ZEB2: variants seen among roughly 807,000 people sequenced by gnomAD.
ZEB2 encodes the protein zinc finger E-box binding homeobox 2, also known as zinc finger E-box-binding homeobox 2.
In ZEB2, 6 loss-of-function variants were observed where a neutral mutation model predicts 99.9. The observed-to-expected ratio is 0.06, with a 90% CI of 0.03 to 0.12. The LOEUF (loss-of-function observed/expected upper bound fraction) is 0.12. Among genes scored for constraint, ZEB2 ranks in the 10% least tolerant of loss-of-function variants. The pLI is 1.00. For missense variants in ZEB2, 969 were observed against 1,502.8 expected (o/e 0.64, Z 5.87); for synonymous variants, 517 against 542.5 (o/e 0.95, Z 0.65).
chr2:144,396,725 C>A, intron 8 of ZEB2, 133 bp from the exon 9 acceptor site: 4 of 923,168 alleles, frequency 4.3e-6, no homozygotes, highest in Non-Finnish European at 6.7e-6. Flanking sequence ...TTTTTTTTTC[C>A]ATGAACAATA....
rs1157918568 is a variant in ZEB2, at chr2:144,398,876, G to A, written c.2311C>T (p.Pro771Ser). The A allele has an allele frequency of 1.2e-6, 2 of 1,614,156 alleles. No individual in the cohort carries two copies. Among genetic ancestry groups the A allele is most frequent in the South Asian group, 2.2e-5 (2 of 91,082 alleles). Reference sequence around the variant, plus strand: ...CTGGAGTGGTCCAATTTTTCAACTGGTTTAATATTGGTAAAATGGGAAGGT... The same window carrying A: ...CTGGAGTGGTCCAATTTTTCAACTGATTTAATATTGGTAAAATGGGAAGGT... ...TKPSHFTNIKPVEKLDHSRSN... is the reference protein window; with the variant it reads ...TKPSHFTNIKSVEKLDHSRSN... The change falls in exon 8 of 10, where the codon CCA becomes TCA. Residue 771 changes from proline (P) to serine (S), a missense_variant. Pro to Ser is a moderately conservative substitution (Grantham distance 74). This residue lies in a region of ZEB2 where 346 missense variants were observed against 460.0 expected (regional missense o/e 0.75). Transcript: ENST00000627532.
At chr2:144,495,487 A>C (rs985091801) in intron 2 of ZEB2, 1 of 152,250 alleles carries the variant, frequency 6.6e-6, no homozygotes, top group Non-Finnish European at 1.5e-5. Flanking sequence ...TTGTCTTCTC[A>C]TATAAGCATG....
intron 2 of ZEB2, among the ~76,000 whole-genome samples, chr2:144,483,228 T>C (rs1009398666): frequency 1.3e-5 from 2 of 151,696 alleles, no homozygotes; most frequent in Admixed American, 6.6e-5. Context: ...CCAAAAGCTG[T>C]AGATTTGAAT....
intron 4 of ZEB2, among the ~76,000 whole-genome samples, chr2:144,409,457 G>A (rs1478050154): frequency 6.6e-6 from 1 of 152,010 alleles, no homozygotes; most frequent in Non-Finnish European, 1.5e-5. Flanking sequence ...CCTTCTTTCT[G>A]TAATCCTCTT....
At chr2:144,421,473 T>C (rs887964066) in intron 4 of ZEB2, among the ~76,000 whole-genome samples, 16 of 152,198 alleles carry the variant, frequency 1.1e-4, no homozygotes, top group Admixed American at 2.0e-4. Flanking sequence ...TATGTACTTA[T>C]TCTCTCAAAG....
intron 4 of ZEB2, among the ~76,000 whole-genome samples, chr2:144,417,476 T>G (rs1280516894): frequency 1.3e-5 from 2 of 152,186 alleles, no homozygotes; most frequent in African/African-American, 4.8e-5. Context: ...CTTTTTAGAT[T>G]CCACATATGA....
At chr2:144,491,909 T>G (rs1704686510) in intron 2 of ZEB2, among the ~76,000 whole-genome samples, 1 of 152,242 alleles carries the variant, frequency 6.6e-6, no homozygotes, top group Non-Finnish European at 1.5e-5. Context: ...CTTCTTTACA[T>G]TTTGTAGCTG....
chr2:144,471,461 GAACA>G (rs1704354112), intron 2 of ZEB2, among the ~76,000 whole-genome samples: 1 of 150,930 alleles, frequency 6.6e-6, no homozygotes, highest in South Asian at 2.1e-4. Flanking sequence ...GACATGAAAA[GAACA>G]AAAACCTAAG....
intron 2 of ZEB2, chr2:144,512,065 C>A: frequency 7.8e-7 from 1 of 1,287,212 alleles, no homozygotes; most frequent in Non-Finnish European, 1.0e-6. Context: ...CAATTGCCCC[C>A]TTGTGGGAAT....
chr2:144,404,009 T>A lies in ZEB2; in HGVS notation c.714A>T (p.Glu238Asp). The stretch of plus-strand genomic sequence containing the variant: ...TACAGAGAGGGCAGGAAAAGTTCTC[T>A]TCATTCTTCTCGTGGCGGTACTTGA... ...EHIKYRHEKN[E>D]ENFSCPLCSY... The change falls in exon 6 of 10, where the codon GAA becomes GAT. Residue 238 changes from glutamate to aspartate, a missense_variant. This residue lies in a region of ZEB2 where 65 missense variants were observed against 147.7 expected (regional missense o/e 0.44). Transcript: ENST00000627532. The A allele has an allele frequency of 6.2e-7, 1 of 1,614,120 alleles. No individual in the cohort carries two copies. The highest frequency in any genetic ancestry group is 2.2e-5 in the East Asian group (1 of 44,882).
At chr2:144,487,560 C>T (rs530816266) in intron 2 of ZEB2, among the ~76,000 whole-genome samples, 71 of 152,150 alleles carry the variant, frequency 4.7e-4, no homozygotes, top group Middle Eastern at 3.2e-3. Flanking sequence ...AAGGAATCCA[C>T]TAAAAATATT....
intron 2 of ZEB2, among the ~76,000 whole-genome samples, chr2:144,468,144 A>AAGAG (rs1411335536): frequency 6.6e-6 from 1 of 152,104 alleles, no homozygotes; most frequent in East Asian, 1.9e-4. Flanking sequence ...AGGAGACAGG[A>AAGAG]AGAGCCTGCC....
intron 4 of ZEB2, among the ~76,000 whole-genome samples, chr2:144,423,939 A>G (rs1186562359): frequency 6.6e-6 from 1 of 152,060 alleles, no homozygotes; most frequent in Non-Finnish European, 1.5e-5. Context: ...TTATTTTGGA[A>G]GATAATTTTA....
At chr2:144,430,603 C>T (rs1461330249) in intron 2 of ZEB2, 1 of 173,208 alleles carries the variant, frequency 5.8e-6, no homozygotes, top group African/African-American at 2.4e-5. Context: ...CATTTATATC[C>T]TAATCTTTTA....
At chr2:144,469,619 T>C (rs1329651153) in intron 2 of ZEB2, among the ~76,000 whole-genome samples, 1 of 152,198 alleles carries the variant, frequency 6.6e-6, no homozygotes, top group Admixed American at 6.6e-5. Context: ...ATCAGGCTGC[T>C]TTAGTCCTTT....
chr2:144,440,878 C>T (rs535324194), intron 2 of ZEB2, among the ~76,000 whole-genome samples: 1 of 151,688 alleles, frequency 6.6e-6, no homozygotes, highest in East Asian at 1.9e-4. Context: ...GATGTCTTAA[C>T]CTTCAGAATG....
At chr2:144,517,472 C>G in intron 1 of ZEB2, 53 bp from the exon 2 acceptor site, 1 of 1,259,818 alleles carries the variant, frequency 7.9e-7, no homozygotes, top group Non-Finnish European at 1.1e-6. Context: ...CATTGAAACG[C>G]GCGCGGGCCG....
At chr2:144,468,473 C>CA (rs796175849) in intron 2 of ZEB2, among the ~76,000 whole-genome samples, 34 of 152,158 alleles carry the variant, frequency 2.2e-4, no homozygotes, top group African/African-American at 7.9e-4. Context: ...AATGTTTGGT[C>CA]AAAAAACTGA....
At chr2:144,398,154 AGCC>A in intron 8 of ZEB2, 144 bp downstream of exon 8, 1 of 931,100 alleles carries the variant, frequency 1.1e-6, no homozygotes, top group South Asian at 1.5e-5. Flanking sequence ...CCATTGTTCT[AGCC>A]CACTGATGGT....
Sources: allele counts gnomAD v4.1 joint callset (sites outside exome capture counted in the v4.1 genomes callset), GRCh38; gene constraint gnomAD v4.1.1; regional missense constraint gnomAD v4.1.1; transcripts MANE v1.5; gene names NCBI Gene and HGNC (gene_info 2026-07-23, HGNC 2026-07-21).